SCUBE3: variants seen among roughly 807,000 people sequenced by gnomAD.
SCUBE3 encodes signal peptide, CUB and EGF-like domain-containing protein 3.
SCUBE3 carries 33 observed loss-of-function variants against 116.8 expected under a neutral mutation model. The observed-to-expected ratio is 0.28, with a 90% CI of 0.21 to 0.38. SCUBE3 has a LOEUF of 0.38. Among genes scored for constraint, SCUBE3 ranks in the 10% least tolerant of loss-of-function variants. The pLI is 1.00. For missense variants in SCUBE3, 1,007 were observed against 1,324.8 expected (o/e 0.76, Z 3.72); for synonymous variants, 418 against 496.9 (o/e 0.84, Z 2.11).
In SCUBE3 at chr6:35,231,662, CTTGG is replaced by C. The variant is rs1444101390; in HGVS notation, c.335-62_335-59del. 2 of 1,464,592 alleles carry C rather than the reference CTTGG, an allele frequency of 1.4e-6. No homozygotes were observed. The highest frequency in any genetic ancestry group is 4.8e-5 in the East Asian group (2 of 41,696). 90.7% of individuals were successfully genotyped at this position (1,464,592 alleles called of 1,614,324 possible). On this transcript the variant is annotated intron_variant, in intron 3 of 21. Transcript: ENST00000274938. The surrounding 1 kb of genome is among the most constrained non-coding windows in gnomAD (Gnocchi z 4.2). Reference sequence around the variant, plus strand: ...TTAAGACTGCCTTTGGTGCTGAAGTCTTGGGATATACCCTGGACCCTGCCTGTAC... The same window carrying C: ...TTAAGACTGCCTTTGGTGCTGAAGTCGATATACCCTGGACCCTGCCTGTAC...
Position 35,245,897 on chromosome 6 carries a change from G to A in SCUBE3, c.2600-47G>A. ...TACAGCCCACGTTCTAGGAGGGCTT[G>A]GGTAGCCTGCCCTGCTGCTCTACTG... On this transcript the variant is annotated intron_variant, in intron 19 of 21. Transcript: ENST00000274938. This position sits in a 1 kb window ranked among gnomAD's most constrained non-coding sequence, Gnocchi z 4.2. 6.2e-7 allele frequency: 1 copy of A among 1,603,510 alleles called. No homozygotes were observed. The highest frequency in any genetic ancestry group is 8.5e-7 in the Non-Finnish European group (1 of 1,173,610).
rs1212760907 is a variant in SCUBE3 at position 35,245,384 on chromosome 6, CTGAGGA to C, written c.2563_2568del (p.Asp855_Glu856del). 5 of 1,614,180 alleles carry C rather than the reference CTGAGGA, an allele frequency of 3.1e-6. No homozygotes were observed. The highest frequency in any genetic ancestry group is 4.2e-6 in the Non-Finnish European group (5 of 1,180,046). On this transcript the variant is annotated inframe_deletion, in exon 19 of 22. Coordinates refer to ENST00000274938, the MANE Select transcript of SCUBE3 (RefSeq NM_152753.4). The surrounding 1 kb of genome is among the most constrained non-coding windows in gnomAD (Gnocchi z 4.2). Reference sequence around the variant, plus strand: ...GTGGTACCAGAGATCTTCCTGCCATCTGAGGATGAGTGTGGGGACGTCCTCGTCATG... The same window carrying C: ...GTGGTACCAGAGATCTTCCTGCCATCTGAGTGTGGGGACGTCCTCGTCATG...
Position 35,248,739 on chromosome 6 carries a change from C to T in SCUBE3, c.*34C>T. 1 of 1,601,030 alleles carries T rather than the reference C, an allele frequency of 6.2e-7. No homozygotes were observed. The highest frequency in any genetic ancestry group is 8.5e-7 in the Non-Finnish European group (1 of 1,169,898). ...GGCTCAGAGACCCAATTTTTTAAGC[C>T]CCCAGACTCCTTAGCCCTCAGAGCC... On this transcript the variant is annotated 3_prime_UTR_variant, in exon 22 of 22. Coordinates refer to ENST00000274938, the MANE Select transcript of SCUBE3 (RefSeq NM_152753.4).
At position 35,252,789 on chromosome 6, in the gene SCUBE3, T is replaced by C. The variant is rs1165872182; in HGVS notation, c.*4084T>C. The C allele has an allele frequency of 6.6e-6, 1 of 152,256 alleles. No homozygotes were observed. The allele number at this position is 152,256 out of a possible 1,614,324, so 9.4% of individuals were successfully genotyped here. A position where few individuals can be genotyped will look rare whatever the true frequency, so the allele number is the denominator to read the frequency against. On this transcript the variant is annotated 3_prime_UTR_variant, in exon 22 of 22. Transcript: ENST00000274938. ...ACAGGTTGTAGCAGTTTGAACAAAC[T>C]GAAAACTTTATACTTCTGTGTGAGC...
chr6:35,239,767 G>T lies in SCUBE3; in HGVS notation c.845G>T (p.Arg282Leu). 11 of 1,611,460 alleles carry T rather than the reference G, an allele frequency of 6.8e-6. No individual in the cohort carries two copies. Among genetic ancestry groups the T allele is most frequent in the South Asian group, 1.1e-5 (1 of 90,458 alleles). ...CCTTCTTCAGATATAGATGAGTGCC[G>T]CTTAAACAACGGGGGCTGTGACCAT... is the stretch of plus-strand genomic sequence containing the variant. Reference protein sequence around the residue: ...RKTCKDIDECRLNNGGCDHIC... With the variant: ...RKTCKDIDECLLNNGGCDHIC... The change falls in exon 8 of 22, where the codon CGC becomes CTC. Residue 282 changes from arginine (R) to leucine (L), a missense_variant. Coordinates refer to ENST00000274938, the MANE Select transcript of SCUBE3 (RefSeq NM_152753.4). The surrounding 1 kb of genome is among the most constrained non-coding windows in gnomAD (Gnocchi z 4.1).
intron 21 of SCUBE3, 79 bp downstream of exon 21, chr6:35,246,364 C>A: frequency 9.9e-7 from 1 of 1,008,218 alleles, no homozygotes; most frequent in Non-Finnish European, 1.6e-6. Context: ...TAAGTGCTTA[C>A]ATGAATATTC....
Position 35,246,078 on chromosome 6 carries a change from C to A in SCUBE3, c.2734C>A (p.Pro912Thr). ...CAACAGCGCCCGTGGCTTCCAGATTCCCTATGTTACCTATGATGGTAAGCC... is the reference window on the plus strand; with the variant it reads ...CAACAGCGCCCGTGGCTTCCAGATTACCTATGTTACCTATGATGGTAAGCC... The part of the protein sequence containing the change: ...EANSARGFQI[P>T]YVTYDEDYEQ... Residue 912 changes from proline (P) to threonine (T), a missense_variant, in exon 20 of 22, where the codon CCC (proline) becomes ACC (threonine). By Grantham distance (38) the Pro-to-Thr change is conservative. Coordinates refer to ENST00000274938, the MANE Select transcript of SCUBE3 (RefSeq NM_152753.4). The A allele has an allele frequency of 1.2e-6, 2 of 1,614,100 alleles. No homozygotes were observed. Among genetic ancestry groups the A allele is most frequent in the Non-Finnish European group, 1.7e-6 (2 of 1,180,012 alleles).
intron 1 of SCUBE3, among the ~76,000 whole-genome samples, chr6:35,217,678 C>T (rs1782976336): frequency 6.6e-6 from 1 of 152,060 alleles, no homozygotes; most frequent in Non-Finnish European, 1.5e-5. Context: ...CTACTAGCCC[C>T]TCCCTCCAAA....
In SCUBE3 at chr6:35,252,967, G is replaced by C. The variant is rs1324651463; in HGVS notation, c.*4262G>C. The C allele has an allele frequency of 6.6e-6, 1 of 152,198 alleles. No individual in the cohort carries two copies. The highest frequency in any genetic ancestry group is 2.4e-5 in the African/African-American group (1 of 41,432). The allele number at this position is 152,198 out of a possible 1,614,324, so 9.4% of individuals were successfully genotyped here. On this transcript the variant is annotated 3_prime_UTR_variant, in exon 22 of 22. Coordinates refer to ENST00000274938, the MANE Select transcript of SCUBE3 (RefSeq NM_152753.4). Reference sequence around the variant, plus strand: ...TCGACAATAAACAGCAAATGATGCAGTTCATAGAGTATTTTGCACTTGGGG... The same window carrying C: ...TCGACAATAAACAGCAAATGATGCACTTCATAGAGTATTTTGCACTTGGGG...
Position 35,243,732 on chromosome 6 carries a change from C to G in SCUBE3, c.2048C>G (p.Ala683Gly). 1 of 1,614,036 alleles carries G rather than the reference C, an allele frequency of 6.2e-7. No homozygotes were observed. The highest frequency in any genetic ancestry group is 8.5e-7 in the Non-Finnish European group (1 of 1,179,930). Residue 683 changes from alanine (A) to glycine (G), a missense_variant, in exon 16 of 22, where the codon GCC becomes GGC. Transcript: ENST00000274938. The surrounding 1 kb of genome is among the most constrained non-coding windows in gnomAD (Gnocchi z 6.6). Reference sequence around the variant, plus strand: ...AGTGATGCCCACGGGCCTCTTGGAGCCACCAACGTCACCACGTGTGCAGGT... The same window carrying G: ...AGTGATGCCCACGGGCCTCTTGGAGGCACCAACGTCACCACGTGTGCAGGT... ...PGSDAHGPLG[A>G]TNVTTCAGQC...
In SCUBE3 at chr6:35,252,488, G is replaced by C. The variant is rs1162474588; in HGVS notation, c.*3783G>C. ...TCTCAAAATGTCAGAAAACGTTATA[G>C]AGCACTCGAACTTTTGTATTTGCTG... On this transcript the variant is annotated 3_prime_UTR_variant, in exon 22 of 22. Transcript: ENST00000274938. The C allele has an allele frequency of 6.6e-6, 1 of 152,196 alleles. No individual in the cohort carries two copies. Among genetic ancestry groups the C allele is most frequent in the African/African-American group, 2.4e-5 (1 of 41,446 alleles). The allele number at this position is 152,196 out of a possible 1,614,324, so 9.4% of individuals were successfully genotyped here. A position where few individuals can be genotyped will look rare whatever the true frequency, so the allele number is the denominator to read the frequency against.
Position 35,219,594 on chromosome 6 carries a change from G to C in SCUBE3, c.85+5091G>C, listed in dbSNP as rs957482725. Among the ~76,000 whole-genome samples, 41 of 152,110 alleles carry C rather than the reference G, an allele frequency of 2.7e-4. No homozygotes were observed. The highest frequency in any genetic ancestry group is 1.8e-3 in the Admixed American group (27 of 15,270). On this transcript the variant is annotated intron_variant, in intron 1 of 21. Coordinates refer to ENST00000274938, the MANE Select transcript of SCUBE3 (RefSeq NM_152753.4). The surrounding 1 kb of genome is among the most constrained non-coding windows in gnomAD (Gnocchi z 4.7). The stretch of plus-strand genomic sequence containing the variant: ...TGGTCACTGGTGGTAACAAGCTGAG[G>C]AAAGACCTGGGCAGGGGCTGCAGGG...
At chr6:35,237,618 C>T (rs976882191) in intron 6 of SCUBE3, among the ~76,000 whole-genome samples, 1 of 152,120 alleles carries the variant, frequency 6.6e-6, no homozygotes. Flanking sequence ...CGGCACATTC[C>T]TGCCTGACAG....
At chr6:35,229,900 G>C (rs1397704623) in intron 3 of SCUBE3, among the ~76,000 whole-genome samples, 1 of 152,196 alleles carries the variant, frequency 6.6e-6, no homozygotes, top group Non-Finnish European at 1.5e-5. Flanking sequence ...AGAAACAAAA[G>C]GAATGATGCC....
Position 35,239,666 on chromosome 6 carries a change from C to T in SCUBE3, c.830-86C>T. ...CCAGGACTCCTTGATTTTTGCATGT[C>T]TCTGTCAGTGAGGGAGGGATCTTTC... On this transcript the variant is annotated intron_variant, in intron 7 of 21. Transcript: ENST00000274938. This position sits in a 1 kb window ranked among gnomAD's most constrained non-coding sequence, Gnocchi z 4.1. 1.5e-6 allele frequency: 2 copies of T among 1,306,430 alleles called. No homozygotes were observed. The highest frequency in any genetic ancestry group is 1.3e-5 in the South Asian group (1 of 77,690). 80.9% of individuals were successfully genotyped at this position (1,306,430 alleles called of 1,614,324 possible).
intron 1 of SCUBE3, among the ~76,000 whole-genome samples, chr6:35,215,837 C>A (rs1464966031): frequency 1.3e-5 from 2 of 152,216 alleles, no homozygotes; most frequent in Non-Finnish European, 2.9e-5. Context: ...TGCCCCCACA[C>A]CTTCCAGCCC....
chr6:35,239,265 G>A lies in SCUBE3; in HGVS notation c.830-487G>A, dbSNP rs1452665069. 6.6e-6 allele frequency among the ~76,000 whole-genome samples: 1 copy of A among 151,830 alleles called. No individual in the cohort carries two copies. The highest frequency in any genetic ancestry group is 1.5e-5 in the Non-Finnish European group (1 of 67,998). On this transcript the variant is annotated intron_variant, in intron 7 of 21. Coordinates refer to ENST00000274938, the MANE Select transcript of SCUBE3 (RefSeq NM_152753.4). The surrounding 1 kb of genome is among the most constrained non-coding windows in gnomAD (Gnocchi z 4.1). ...TTCCCAGCTCCTCCTCCTCCCTAAAGGGCTGCCCGTTTTCAGTGAGTCCCT... is the reference window on the plus strand; with the variant it reads ...TTCCCAGCTCCTCCTCCTCCCTAAAAGGCTGCCCGTTTTCAGTGAGTCCCT...
In SCUBE3 at chr6:35,232,565, T is replaced by C. The variant is rs959645773; in HGVS notation, c.470-285T>C. Among the ~76,000 whole-genome samples the C allele has an allele frequency of 6.6e-6, 1 of 152,174 alleles. No individual in the cohort carries two copies. Among genetic ancestry groups the C allele is most frequent in the African/African-American group, 2.4e-5 (1 of 41,422 alleles). ...CCAGCACAGTGCTGGACACCTATTA[T>C]ACACAATGTTTTGGTTGTTTAAAGG... On this transcript the variant is annotated intron_variant, in intron 4 of 21. Coordinates refer to ENST00000274938, the MANE Select transcript of SCUBE3 (RefSeq NM_152753.4). This position sits in a 1 kb window ranked among gnomAD's most constrained non-coding sequence, Gnocchi z 4.2.
In SCUBE3 at chr6:35,233,606, T is replaced by C. The variant is rs1262998829; in HGVS notation, c.712+305T>C. On this transcript the variant is annotated intron_variant, in intron 6 of 21. Coordinates refer to ENST00000274938, the MANE Select transcript of SCUBE3 (RefSeq NM_152753.4). This position sits in a 1 kb window ranked among gnomAD's most constrained non-coding sequence, Gnocchi z 5.7. ...TGGGAATAATTAGCAGAGTTGCTTA[T>C]TGACCAAGGCTGTAGTTGAGAAGTG... 6.6e-6 allele frequency among the ~76,000 whole-genome samples: 1 copy of C among 152,194 alleles called. No individual in the cohort carries two copies. The highest frequency in any genetic ancestry group is 2.4e-5 in the African/African-American group (1 of 41,434).
Sources: gnomAD v4.1 joint callset for allele counts (sites outside exome capture counted in the v4.1 genomes callset) on GRCh38, gnomAD v4.1.1 for gene constraint, Gnocchi (gnomAD v3.1) non-coding constraint, MANE v1.5 for transcripts, NCBI Gene and HGNC (gene_info 2026-07-23, HGNC 2026-07-21) for gene names.